Variants in NCOA1 observed in about 807,000 individuals in gnomAD.
NCOA1 encodes the protein nuclear receptor coactivator 1, also known as Hin-2 protein.
NCOA1 carries 35 observed loss-of-function variants against 150.9 expected under a neutral mutation model. The ratio of observed to expected loss-of-function variants is 0.23; its 90% CI spans 0.18 to 0.31. The LOEUF is 0.31. Among genes scored for constraint, NCOA1 ranks in the 10% least tolerant of loss-of-function variants. The probability of loss-of-function intolerance (pLI) is 1.00; values close to 1 mark genes in which losing one functional copy is unlikely to be tolerated. For synonymous variants in NCOA1, 590 were observed against 630.0 expected (o/e 0.94, Z 0.95); for missense variants, 1,491 against 1,749.3 (o/e 0.85, Z 2.63).
chr2:24,738,862 AAAT>A (rs1663459628), intron 17 of NCOA1, among the ~76,000 whole-genome samples: 1 of 152,124 alleles, frequency 6.6e-6, no homozygotes, highest in Non-Finnish European at 1.5e-5. Context: ...CTAGTTAAAT[AAAT>A]AATCCATTTT....
chr2:24,739,304 G>GGA, intron 17 of NCOA1, 128 bp from the exon 18 acceptor site: 1 of 652,536 alleles, frequency 1.5e-6, no homozygotes, highest in Non-Finnish European at 2.7e-6. Flanking sequence ...AATAAACATA[G>GGA]GAAATAATCT....
intron 17 of NCOA1, among the ~76,000 whole-genome samples, chr2:24,731,089 T>G (rs1336872582): frequency 6.6e-6 from 1 of 151,138 alleles, no homozygotes; most frequent in Non-Finnish European, 1.5e-5. Flanking sequence ...GAGCTGTAGA[T>G]TGTTGCTGCT....
At chr2:24,582,305 C>CTA (rs757206482) in intron 2 of NCOA1, among the ~76,000 whole-genome samples, 3 of 152,082 alleles carry the variant, frequency 2.0e-5, no homozygotes, top group South Asian at 4.2e-4. Context: ...AGTAGCATTT[C>CTA]TATATATCAG....
intron 2 of NCOA1, among the ~76,000 whole-genome samples, chr2:24,578,574 A>T (rs954853680): frequency 6.6e-6 from 1 of 152,198 alleles, no homozygotes; most frequent in Non-Finnish European, 1.5e-5. Context: ...AAAAGAGTTC[A>T]ACATCATTGG....
chr2:24,566,705 T>A (rs1294616114), intron 2 of NCOA1, among the ~76,000 whole-genome samples: 1 of 152,214 alleles, frequency 6.6e-6, no homozygotes, highest in Non-Finnish European at 1.5e-5. Flanking sequence ...GTGCCCAGGC[T>A]GTTCCTGCTG....
intron 1 of NCOA1, among the ~76,000 whole-genome samples, chr2:24,526,285 TC>T (rs1664648610): frequency 6.6e-6 from 1 of 152,176 alleles, no homozygotes; most frequent in Non-Finnish European, 1.5e-5. Context: ...ATGGCTCTAT[TC>T]CACATTTTGT....
At position 24,742,187 on chromosome 2, in the gene NCOA1, G is replaced by A. The variant is rs780016898; in HGVS notation, c.3706+1G>A. The A allele has an allele frequency of 6.2e-7, 1 of 1,606,112 alleles. No individual in the cohort carries two copies. Among genetic ancestry groups the A allele is most frequent in the African/African-American group, 1.3e-5 (1 of 74,812 alleles). On this transcript the variant is annotated splice_donor_variant, in intron 19 of 22. Coordinates refer to ENST00000348332, the MANE Select transcript of NCOA1 (RefSeq NM_003743.5). LOFTEE classifies it high-confidence loss of function. ...AATGTCTTCCAGTATCCAGGAGCAGGTAGGAAGGTCACAACTTTATGTTGT... is the reference window on the plus strand; with the variant it reads ...AATGTCTTCCAGTATCCAGGAGCAGATAGGAAGGTCACAACTTTATGTTGT...
chr2:24,623,293 A>G (rs1045552187), intron 3 of NCOA1, among the ~76,000 whole-genome samples: 2 of 152,252 alleles, frequency 1.3e-5, no homozygotes, highest in Non-Finnish European at 2.9e-5. Flanking sequence ...CTTAAATTTC[A>G]TAGCATTGTC....
chr2:24,592,837 T>C (rs1205042059), intron 3 of NCOA1, among the ~76,000 whole-genome samples: 1 of 152,100 alleles, frequency 6.6e-6, no homozygotes. Flanking sequence ...AAATTAACAG[T>C]AACGTAGTAC....
At chr2:24,591,525 T>C (rs1667656883) in intron 3 of NCOA1, among the ~76,000 whole-genome samples, 1 of 152,192 alleles carries the variant, frequency 6.6e-6, no homozygotes, top group Admixed American at 6.5e-5. Context: ...ATTATTACTA[T>C]TTGGAATATC....
intron 1 of NCOA1, among the ~76,000 whole-genome samples, chr2:24,561,012 A>G (rs1182297708): frequency 6.6e-6 from 1 of 152,222 alleles, no homozygotes; most frequent in Non-Finnish European, 1.5e-5. Flanking sequence ...AAACTAGTAT[A>G]TGTTTATGCA....
intron 3 of NCOA1, among the ~76,000 whole-genome samples, chr2:24,598,125 T>G (rs191325695): frequency 1.0e-3 from 153 of 152,356 alleles, no homozygotes; most frequent in African/African-American, 3.5e-3. Flanking sequence ...TTTTTATGTC[T>G]GCATAGTATT....
At chr2:24,749,594 G>A (rs142752815) in intron 19 of NCOA1, among the ~76,000 whole-genome samples, 3 of 152,238 alleles carry the variant, frequency 2.0e-5, no homozygotes, top group African/African-American at 4.8e-5. Flanking sequence ...GGTTTGCCTC[G>A]GTAGTGGGGC....
intron 19 of NCOA1, among the ~76,000 whole-genome samples, chr2:24,746,840 C>T (rs1663945665): frequency 6.6e-6 from 1 of 151,978 alleles, no homozygotes; most frequent in Admixed American, 6.6e-5. Context: ...AAGAGTGAAC[C>T]GTAATGTAAC....
chr2:24,758,818 T>TAAA (rs560854944), intron 21 of NCOA1, among the ~76,000 whole-genome samples: 1 of 144,816 alleles, frequency 6.9e-6, no homozygotes, highest in African/African-American at 2.5e-5. Context: ...CTGTCTCTAC[T>TAAA]AAAAAAAAAA....
chr2:24,666,782 G>A (rs761410955), intron 6 of NCOA1, among the ~76,000 whole-genome samples: 4 of 152,030 alleles, frequency 2.6e-5, no homozygotes, highest in Non-Finnish European at 5.9e-5. Flanking sequence ...ACAAGTGCGC[G>A]CCACTATGCC....
intron 1 of NCOA1, among the ~76,000 whole-genome samples, chr2:24,522,498 A>G (rs968428838): frequency 3.3e-5 from 5 of 152,164 alleles, no homozygotes; most frequent in African/African-American, 4.8e-5. Flanking sequence ...ATGGTATCTG[A>G]TAAGGGTACA....
chr2:24,702,105 A>G (rs188953442), intron 11 of NCOA1, among the ~76,000 whole-genome samples: 16 of 152,358 alleles, frequency 1.1e-4, no homozygotes, highest in Non-Finnish European at 2.1e-4. Flanking sequence ...TACCGATATC[A>G]ATGATTAATT....
intron 3 of NCOA1, among the ~76,000 whole-genome samples, chr2:24,621,523 A>G (rs1026628051): frequency 7.6e-6 from 1 of 130,922 alleles, no homozygotes; most frequent in Non-Finnish European, 1.5e-5. Flanking sequence ...CTGGAGTGCA[A>G]TGGTGCGATC....
Sources: gnomAD v4.1 joint callset for allele counts (sites outside exome capture counted in the v4.1 genomes callset) on GRCh38, gnomAD v4.1.1 for gene constraint, MANE v1.5 for transcripts, NCBI Gene and HGNC (gene_info 2026-07-23, HGNC 2026-07-21) for gene names.